PPFIA2: variants seen among roughly 807,000 people sequenced by gnomAD.
PPFIA2 encodes liprin-alpha-2.
A neutral mutation model predicts 175.5 loss-of-function variants in PPFIA2; 46 were observed. The observed-to-expected ratio is 0.26, with a 90% confidence interval of 0.21 to 0.34. The LOEUF is 0.34. Among genes scored for constraint, PPFIA2 ranks in the 10% least tolerant of loss-of-function variants. PPFIA2 has a pLI of 1.00. For synonymous variants in PPFIA2, 568 were observed against 511.4 expected (o/e 1.11, Z -1.49); for missense variants, 1,179 against 1,506.1 (o/e 0.78, Z 3.60).
At chr12:81,504,784 C>T (rs2060966824) in intron 4 of PPFIA2, among the ~76,000 whole-genome samples, 1 of 152,102 alleles carries the variant, frequency 6.6e-6, no homozygotes, top group Admixed American at 6.6e-5. Flanking sequence ...GAAAATGTGG[C>T]ACATATATAC....
intron 7 of PPFIA2, among the ~76,000 whole-genome samples, chr12:81,409,923 C>T (rs1458939198): frequency 6.6e-6 from 1 of 152,040 alleles, no homozygotes; most frequent in African/African-American, 2.4e-5. Context: ...TGAATATATG[C>T]CCTCCTCCAA....
In PPFIA2 at chr12:81,432,857, G is replaced by A. The variant is rs148832566; in HGVS notation, c.645+7115C>T. ...AGATGCCCAATAAGTATTTGTTAAA[G>A]TACCATGATTAGAATCACATATTAT... On this transcript the variant is annotated intron_variant, in intron 7 of 32. Transcript: ENST00000549396. 1.7e-3 allele frequency among the ~76,000 whole-genome samples: 252 copies of A among 152,120 alleles called. 1 individual carries two copies. The highest frequency in any genetic ancestry group is 2.7e-3 in the Non-Finnish European group (184 of 67,988).
intron 3 of PPFIA2, chr12:81,687,362 T>G (rs1226665727): frequency 6.6e-6 from 1 of 152,072 alleles, no homozygotes. Context: ...AAGTGTTTTC[T>G]TTTATGTTTC....
At chr12:81,368,297 T>C in intron 13 of PPFIA2, 3 of 514,366 alleles carry the variant, frequency 5.8e-6, no homozygotes, top group South Asian at 3.7e-5. Context: ...CTTTTGATGA[T>C]ATAAACTCAC....
At chr12:81,265,769 C>G (rs975783156) in intron 30 of PPFIA2, among the ~76,000 whole-genome samples, 3 of 152,144 alleles carry the variant, frequency 2.0e-5, no homozygotes, top group Non-Finnish European at 2.9e-5. Context: ...CTACCCCACA[C>G]CTGGACAGCT....
intron 3 of PPFIA2, among the ~76,000 whole-genome samples, chr12:81,750,190 G>A (rs1341706754): frequency 7.0e-6 from 1 of 143,850 alleles, no homozygotes; most frequent in Non-Finnish European, 1.6e-5. Flanking sequence ...ATTATAGGTA[G>A]AGAGATGAAC....
chr12:81,367,747 TTAAAA>T (rs138636816), intron 13 of PPFIA2, among the ~76,000 whole-genome samples: 122 of 151,812 alleles, frequency 8.0e-4, no homozygotes, highest in Non-Finnish European at 1.5e-3. Context: ...TCATAGATAC[TTAAAA>T]TAAACCTTGC....
chr12:81,382,749 T>G (rs537129773), intron 9 of PPFIA2, among the ~76,000 whole-genome samples: 259 of 152,150 alleles, frequency 1.7e-3, no homozygotes, highest in Non-Finnish European at 3.1e-3. Flanking sequence ...GAAGTGCTAA[T>G]TTTGAGATAT....
chr12:81,660,528 C>T (rs2153545991), intron 4 of PPFIA2, among the ~76,000 whole-genome samples: 1 of 152,172 alleles, frequency 6.6e-6, no homozygotes, highest in South Asian at 2.1e-4. Flanking sequence ...ACAAAGCCTC[C>T]AAGAAATATG....
At chr12:81,562,830 G>C (rs549849273) in intron 4 of PPFIA2, among the ~76,000 whole-genome samples, 2 of 101,096 alleles carry the variant, frequency 2.0e-5, no homozygotes, top group East Asian at 3.0e-4. Context: ...CTGGGCGACA[G>C]AGCGAGACTC....
intron 4 of PPFIA2, among the ~76,000 whole-genome samples, chr12:81,527,330 T>C (rs1347183781): frequency 6.6e-6 from 1 of 151,602 alleles, no homozygotes; most frequent in Non-Finnish European, 1.5e-5. Context: ...TTTCTAACAC[T>C]AGGTATTTAC....
intron 23 of PPFIA2, chr12:81,296,724 G>A (rs952555102): frequency 6.6e-6 from 1 of 151,554 alleles, no homozygotes; most frequent in African/African-American, 2.4e-5. Context: ...AAGAGCTCTG[G>A]ACCACAAATC....
intron 4 of PPFIA2, among the ~76,000 whole-genome samples, chr12:81,477,030 G>T (rs1459078367): frequency 6.6e-6 from 1 of 152,022 alleles, no homozygotes; most frequent in Admixed American, 6.6e-5. Context: ...GACACAGGGA[G>T]GGGAACACAC....
intron 7 of PPFIA2, among the ~76,000 whole-genome samples, chr12:81,434,602 T>C (rs2048662813): frequency 6.6e-6 from 1 of 152,078 alleles, no homozygotes; most frequent in African/African-American, 2.4e-5. Flanking sequence ...ATAAATACAT[T>C]TTCAAGTAGG....
At chr12:81,408,014 G>A (rs1348322328) in intron 7 of PPFIA2, among the ~76,000 whole-genome samples, 1 of 152,130 alleles carries the variant, frequency 6.6e-6, no homozygotes, top group Admixed American at 6.6e-5. Flanking sequence ...ATTATGTGCA[G>A]GGTATTCACT....
chr12:81,299,748 C>T (rs1259988013), intron 22 of PPFIA2, among the ~76,000 whole-genome samples: 1 of 152,114 alleles, frequency 6.6e-6, no homozygotes, highest in Non-Finnish European at 1.5e-5. Flanking sequence ...GTGGCTTCCA[C>T]CATCTGCCCT....
intron 6 of PPFIA2, among the ~76,000 whole-genome samples, chr12:81,443,500 A>G (rs1593065747): frequency 6.6e-6 from 1 of 152,134 alleles, no homozygotes; most frequent in Non-Finnish European, 1.5e-5. Flanking sequence ...TATAAAGTAA[A>G]TTATTTCTAG....
At chr12:81,470,242 A>G (rs1342095700) in intron 4 of PPFIA2, among the ~76,000 whole-genome samples, 7 of 152,254 alleles carry the variant, frequency 4.6e-5, no homozygotes, top group Non-Finnish European at 1.5e-5. Flanking sequence ...TTCTATAATA[A>G]GAAGACAAAT....
chr12:81,357,874 T>C (rs1001994487), intron 16 of PPFIA2, among the ~76,000 whole-genome samples: 3 of 152,182 alleles, frequency 2.0e-5, no homozygotes, highest in Non-Finnish European at 2.9e-5. Context: ...TAATGTTATA[T>C]GAATAAATAC....
Sources: gnomAD v4.1 joint callset for allele counts (sites outside exome capture counted in the v4.1 genomes callset) on GRCh38, gnomAD v4.1.1 for gene constraint, MANE v1.5 for transcripts, NCBI Gene and HGNC (gene_info 2026-07-23, HGNC 2026-07-21) for gene names.